SLC33A1: variants seen among roughly 807,000 people sequenced by gnomAD.
SLC33A1 encodes acetyl-coenzyme A transporter 1.
SLC33A1 carries 20 observed loss-of-function variants against 50.0 expected under a neutral mutation model. That is an observed-to-expected ratio of 0.40 (90% CI 0.28 to 0.58). The LOEUF (loss-of-function observed/expected upper bound fraction) is 0.58, where lower values mean the gene tolerates loss of function less well. SLC33A1 is among the 20% of genes least tolerant of loss of function. SLC33A1 has a pLI of 0.44. For synonymous variants in SLC33A1, 265 were observed against 251.8 expected, an observed-to-expected ratio of 1.05 and a Z score of -0.50; for missense variants, 476 against 657.0, an observed-to-expected ratio of 0.72 and a Z score of 3.01.
intron 1 of SLC33A1, among the ~76,000 whole-genome samples, chr3:155,843,621 TACA>T (rs141738210): frequency 3.8e-3 from 573 of 152,284 alleles, no homozygotes; most frequent in African/African-American, 0.013. Context: ...ATTGAGTGCA[TACA>T]ACGTGACAAA....
intron 4 of SLC33A1, among the ~76,000 whole-genome samples, 158 bp downstream of exon 4, chr3:155,833,310 T>C (rs1245089804): frequency 6.6e-6 from 1 of 152,112 alleles, no homozygotes; most frequent in Non-Finnish European, 1.5e-5. Flanking sequence ...ACTCATTAAG[T>C]GAAAAGTCAT....
intron 5 of SLC33A1, 101 bp from the exon 6 acceptor site, chr3:155,828,478 T>C: frequency 1.4e-6 from 1 of 740,502 alleles, no homozygotes; most frequent in Non-Finnish European, 2.4e-6. Flanking sequence ...TATATTTTTC[T>C]TAAAACATTT....
intron 5 of SLC33A1, 39 bp downstream of exon 5, chr3:155,829,649 G>A: frequency 7.4e-7 from 1 of 1,347,368 alleles, no homozygotes; most frequent in Non-Finnish European, 1.1e-6. Flanking sequence ...TAATATCTTA[G>A]TATTAGCTTA....
At chr3:155,828,615 C>T (rs1299317418) in intron 5 of SLC33A1, among the ~76,000 whole-genome samples, 1 of 152,060 alleles carries the variant, frequency 6.6e-6, no homozygotes, top group Non-Finnish European at 1.5e-5. Flanking sequence ...TTTTGAGACA[C>T]GGTCTCACTT....
chr3:155,839,346 C>G (rs1371283525), intron 2 of SLC33A1, among the ~76,000 whole-genome samples: 8 of 113,904 alleles, frequency 7.0e-5, no homozygotes, highest in African/African-American at 3.2e-4. Flanking sequence ...TTCACTCCAG[C>G]CTGGGCAACA....
At chr3:155,845,419 T>C (rs1377160415) in intron 1 of SLC33A1, among the ~76,000 whole-genome samples, 2 of 152,170 alleles carry the variant, frequency 1.3e-5, no homozygotes, top group African/African-American at 2.4e-5. Context: ...CTTGACCTCC[T>C]AGGCTCAAGT....
At chr3:155,829,933 T>C (rs749891390) in intron 4 of SLC33A1, 30 bp from the exon 5 acceptor site, 18 of 1,382,594 alleles carry the variant, frequency 1.3e-5, no homozygotes. Context: ...ATCTTTAGTA[T>C]GATTATAAAG....
chr3:155,850,897 G>A (rs537533416), intron 1 of SLC33A1, among the ~76,000 whole-genome samples: 25 of 151,570 alleles, frequency 1.6e-4, no homozygotes, highest in Non-Finnish European at 2.9e-4. Flanking sequence ...GATTACAGGC[G>A]TGAGCCACTG....
At position 155,854,116 on chromosome 3, in the gene SLC33A1, G is replaced by T; in HGVS notation, c.-119C>A. 1 of 783,768 alleles carries T rather than the reference G, an allele frequency of 1.3e-6. No homozygotes were observed. Among genetic ancestry groups the T allele is most frequent in the South Asian group, 2.2e-5 (1 of 46,060 alleles). 48.6% of individuals were successfully genotyped at this position (783,768 alleles called of 1,614,324 possible). ...GGGTTTCGGTGGTTCACGGGATGGT[G>T]GCAGGGCTCAGAGCGATAAGGGCAC... On this transcript the variant is annotated 5_prime_UTR_variant, in exon 1 of 6. Transcript: ENST00000643144.
At chr3:155,844,284 G>A (rs907689756) in intron 1 of SLC33A1, among the ~76,000 whole-genome samples, 3 of 151,616 alleles carry the variant, frequency 2.0e-5, no homozygotes, top group Admixed American at 6.6e-5. Context: ...AAATACAGAC[G>A]AGGAAAAGAA....
chr3:155,839,373 C>CAAAA (rs1198585213), intron 2 of SLC33A1, among the ~76,000 whole-genome samples: 1,171 of 18,300 alleles, frequency 0.064, 373 homozygotes, highest in African/African-American at 0.17. Flanking sequence ...GACTCTGTCT[C>CAAAA]AAAAAAAAAA....
intron 1 of SLC33A1, among the ~76,000 whole-genome samples, chr3:155,843,421 A>G (rs1753006031): frequency 6.6e-6 from 1 of 152,198 alleles, no homozygotes; most frequent in Non-Finnish European, 1.5e-5. Context: ...ATAATATGAT[A>G]TAAAAGGCAT....
At chr3:155,832,973 C>T (rs1752504597) in intron 4 of SLC33A1, among the ~76,000 whole-genome samples, 2 of 151,628 alleles carry the variant, frequency 1.3e-5, no homozygotes, top group South Asian at 4.2e-4. Flanking sequence ...CTCTTTCAGC[C>T]GGGCGCAGTG....
At chr3:155,845,353 G>A (rs1753126471) in intron 1 of SLC33A1, among the ~76,000 whole-genome samples, 1 of 152,010 alleles carries the variant, frequency 6.6e-6, no homozygotes, top group African/African-American at 2.4e-5. Flanking sequence ...TTGAGACAGG[G>A]TCTCACTCTG....
intron 2 of SLC33A1, among the ~76,000 whole-genome samples, chr3:155,836,059 T>C (rs9818344): frequency 0.2 from 29,772 of 149,870 alleles, 7,508 homozygotes; most frequent in African/African-American, 0.58. Flanking sequence ...CCAAGGTGGG[T>C]GGATCACGAG....
chr3:155,833,154 C>T (rs1403526621), intron 4 of SLC33A1, among the ~76,000 whole-genome samples: 1 of 152,014 alleles, frequency 6.6e-6, no homozygotes, highest in East Asian at 1.9e-4. Context: ...GAGGCTGAGG[C>T]AGGAGAAATG....
Position 155,842,441 on chromosome 3 carries a change from T to C in SLC33A1, c.954A>G (p.Leu318=). The C allele has an allele frequency of 6.2e-7, 1 of 1,606,236 alleles. No homozygotes were observed. The highest frequency in any genetic ancestry group is 8.5e-7 in the Non-Finnish European group (1 of 1,173,702). ...TTTATAAATCTCTTACCTTTGCAGT[T>C]AGAATCAGAAGGCAAAATGTCAGAA... is the stretch of plus-strand genomic sequence containing the variant. ...PAVLTFCLLI[L]TAKIGFSAAD... is the part of the protein sequence containing the mutation. The change falls in exon 2 of 6, where the codon CTA becomes CTG. Residue 318 remains leucine (L), a synonymous_variant. Coordinates refer to ENST00000643144, the MANE Select transcript of SLC33A1 (RefSeq NM_004733.4).
rs57460942 is a variant in SLC33A1 at position 155,836,280 on chromosome 3, C to CAAAAAAAAAAAAAAA, written c.964-2254_964-2240dup. On this transcript the variant is annotated intron_variant, in intron 2 of 5. Transcript: ENST00000643144. ...GCCTGGTGACAGAGTGAGACTCTGT[C>CAAAAAAAAAAAAAAA]AAAAAAAAAAAAAAAAAAAAAAAAA... 8.5e-4 allele frequency among the ~76,000 whole-genome samples: 23 copies of CAAAAAAAAAAAAAAA among 27,170 alleles called. 4 individuals carry two copies. The highest frequency in any genetic ancestry group is 1.1e-3 in the East Asian group (1 of 940). 17.8% of individuals were successfully genotyped at this position (27,170 alleles called of 152,430 possible).
Position 155,842,606 on chromosome 3 carries a change from G to C in SLC33A1, c.789C>G (p.Phe263Leu). 6.5e-7 allele frequency: 1 copy of C among 1,533,596 alleles called. No individual in the cohort carries two copies. Among genetic ancestry groups the C allele is most frequent in the Non-Finnish European group, 8.8e-7 (1 of 1,133,580 alleles). The allele number at this position is 1,533,596 out of a possible 1,614,324, so 95.0% of individuals were successfully genotyped here. A position where few individuals can be genotyped will look rare whatever the true frequency, so the allele number is the denominator to read the frequency against. Residue 263 changes from phenylalanine to leucine, a missense_variant, in exon 2 of 6, where the codon TTC (phenylalanine) becomes TTG (leucine). Physicochemically the swap from Phe to Leu is conservative, Grantham distance 22. Coordinates refer to ENST00000643144, the MANE Select transcript of SLC33A1 (RefSeq NM_004733.4). ...GIVTLSDFLF[F>L]WGTVFLITTT... is the part of the protein sequence containing the mutation. ...TTGTTATTAAAAATACAGTTCCCCA[G>C]AAAAAAAGGAAATCTGAAAATGTTT...
Sources: allele counts gnomAD v4.1 joint callset (sites outside exome capture counted in the v4.1 genomes callset), GRCh38; gene constraint gnomAD v4.1.1; transcripts MANE v1.5; gene names NCBI Gene and HGNC (gene_info 2026-07-23, HGNC 2026-07-21).